Variants in DNA2 observed in about 807,000 individuals in gnomAD.
DNA2 encodes DNA replication helicase/nuclease 2, also known as DNA replication ATP-dependent helicase/nuclease DNA2.
In DNA2, 101 loss-of-function variants were observed where a neutral mutation model predicts 119.1. The ratio of observed to expected loss-of-function variants is 0.85; its 90% confidence interval spans 0.72 to 1.00. The LOEUF (loss-of-function observed/expected upper bound fraction) is 1.00, where lower values mean the gene tolerates loss of function less well. Ranked by LOEUF, DNA2 falls within the 50% of genes least tolerant of loss-of-function variation. DNA2 has a pLI of 0.00. For synonymous variants in DNA2, 366 were observed against 424.4 expected, an observed-to-expected ratio of 0.86 and a Z score of 1.69; for missense variants, 1,121 against 1,255.5, an observed-to-expected ratio of 0.89 and a Z score of 1.62.
chr10:68,418,731 G>A (rs889539636), intron 19 of DNA2, among the ~76,000 whole-genome samples: 15 of 144,982 alleles, frequency 1.0e-4, no homozygotes, highest in African/African-American at 3.9e-4. Context: ...TGGAGTCAAT[G>A]GTACGATCTC....
chr10:68,424,448 G>A lies in DNA2; in HGVS notation c.2209-1558C>T, dbSNP rs140248073. The A allele has an allele frequency of 3.2e-3, 1,742 of 537,766 alleles. 34 individuals carry two copies. Among genetic ancestry groups the A allele is most frequent in the African/African-American group, 0.03 (1,569 of 51,832 alleles). 33.3% of individuals were successfully genotyped at this position (537,766 alleles called of 1,614,324 possible). On this transcript the variant is annotated intron_variant, in intron 14 of 20. Transcript: ENST00000358410. The stretch of plus-strand genomic sequence containing the variant: ...GAGCCAAGGAGGTCGAGGCTGCAGT[G>A]AGCCTTGATCATGCCACTGAACTCC...
rs1564881559 is a variant in DNA2 at position 68,430,677 on chromosome 10, GA to G, written c.1984-18del. The G allele has an allele frequency of 1.4e-6, 2 of 1,475,302 alleles. No individual in the cohort carries two copies. Among genetic ancestry groups the G allele is most frequent in the Non-Finnish European group, 1.8e-6 (2 of 1,099,782 alleles). The allele number at this position is 1,475,302 out of a possible 1,614,324, so 91.4% of individuals were successfully genotyped here. Reference sequence around the variant, plus strand: ...AATTCTTACCTAATAATGGGTAAGAGAAAAAAGAAAAAACAGCCTTACTTTT... The same window carrying G: ...AATTCTTACCTAATAATGGGTAAGAGAAAAAGAAAAAACAGCCTTACTTTT... On this transcript the variant is annotated intron_variant, in intron 13 of 20. Coordinates refer to ENST00000358410, the MANE Select transcript of DNA2 (RefSeq NM_001080449.3).
At chr10:68,438,258 G>A (rs577694315) in intron 9 of DNA2, among the ~76,000 whole-genome samples, 3 of 152,232 alleles carry the variant, frequency 2.0e-5, no homozygotes, top group African/African-American at 4.8e-5. Context: ...GGTGGCTCAC[G>A]CCTGTAACCC....
chr10:68,417,391 CAAAAAAAAAA>C (rs35777569), intron 19 of DNA2, among the ~76,000 whole-genome samples: 1 of 77,504 alleles, frequency 1.3e-5, no homozygotes, highest in African/African-American at 5.4e-5. Context: ...ATAAGAAAAC[CAAAAAAAAAA>C]AAAAAAAAAA....
chr10:68,465,163 C>T (rs2052312421), intron 4 of DNA2, among the ~76,000 whole-genome samples: 1 of 151,922 alleles, frequency 6.6e-6, no homozygotes, highest in Non-Finnish European at 1.5e-5. Context: ...GGACTACAGG[C>T]GCCTGCCACC....
At chr10:68,419,765 C>T (rs1337235318) in intron 18 of DNA2, 38 bp downstream of exon 18, 53 of 1,436,842 alleles carry the variant, frequency 3.7e-5, no homozygotes, top group Non-Finnish European at 5.2e-5. Context: ...TTTTATTCTG[C>T]ACTTTAATAT....
chr10:68,449,934 A>C, intron 6 of DNA2, 94 bp downstream of exon 6: 1 of 899,854 alleles, frequency 1.1e-6, no homozygotes, highest in South Asian at 1.8e-5. Flanking sequence ...AGACCACGCC[A>C]CTGCTCTCCA....
chr10:68,415,085 T>G lies in DNA2; in HGVS notation c.3137A>C (p.Glu1046Ala). 1 of 1,574,970 alleles carries G rather than the reference T, an allele frequency of 6.3e-7. No homozygotes were observed. The highest frequency in any genetic ancestry group is 8.6e-7 in the Non-Finnish European group (1 of 1,157,344). ...EKLIIDLPSREHESLCHILGD... is the reference protein window; with the variant it reads ...EKLIIDLPSRAHESLCHILGD... Reference sequence around the variant, plus strand: ...CAATATGTGGCAAAGACTTTCATGTTCTCTTGATGGAAGATCAATGATGTA... The same window carrying G: ...CAATATGTGGCAAAGACTTTCATGTGCTCTTGATGGAAGATCAATGATGTA... The change falls in exon 21 of 21, where the codon GAA becomes GCA. Residue 1046 changes from glutamate (E) to alanine (A), a missense_variant. Physicochemically the swap from Glu to Ala is moderately radical, Grantham distance 107. Transcript: ENST00000358410.
intron 5 of DNA2, among the ~76,000 whole-genome samples, chr10:68,456,944 C>A (rs1037808705): frequency 6.6e-5 from 10 of 151,564 alleles, no homozygotes; most frequent in African/African-American, 1.2e-4. Context: ...ACCATCCTGG[C>A]TAACACGGTG....
At chr10:68,424,833 A>T in intron 14 of DNA2, 1 of 884,600 alleles carries the variant, frequency 1.1e-6, no homozygotes, top group Non-Finnish European at 1.9e-6. Context: ...GTAGGCCAAC[A>T]GCACAACCGT....
intron 2 of DNA2, among the ~76,000 whole-genome samples, chr10:68,468,862 C>T (rs1291324739): frequency 1.3e-5 from 2 of 151,792 alleles, no homozygotes; most frequent in Non-Finnish European, 2.9e-5. Context: ...CCAGCCTGGG[C>T]AACATGGTGA....
At position 68,470,158 on chromosome 10, in the gene DNA2, T is replaced by G; in HGVS notation, c.80A>C (p.Gln27Pro). Residue 27 changes from glutamine to proline, a missense_variant, in exon 2 of 21, where the codon CAG becomes CCG. Physicochemically the swap from Gln to Pro is moderately conservative, Grantham distance 76. Coordinates refer to ENST00000358410, the MANE Select transcript of DNA2 (RefSeq NM_001080449.3). ...EEAELPAELFQKKVVASFPRT... is the reference protein window; with the variant it reads ...EEAELPAELFPKKVVASFPRT... ...TGGAAAGGAAGCTACCACTTTCTTC[T>G]GAAATCTAAAGCACACACATACAAA... 6.3e-7 allele frequency: 1 copy of G among 1,591,240 alleles called. No homozygotes were observed. The highest frequency in any genetic ancestry group is 8.5e-7 in the Non-Finnish European group (1 of 1,174,502).
chr10:68,471,983 CGCA>C (rs1564901203), upstream of DNA2: 2 of 1,611,528 alleles, frequency 1.2e-6, no homozygotes, highest in South Asian at 2.2e-5. Flanking sequence ...TGCGCCAACC[CGCA>C]GATGTCCCAA....
chr10:68,435,304 C>A (rs1316386021), intron 10 of DNA2, among the ~76,000 whole-genome samples: 2 of 151,976 alleles, frequency 1.3e-5, no homozygotes, highest in African/African-American at 4.8e-5. Flanking sequence ...CCACCTCAGC[C>A]TCCCAGTGTG....
intron 4 of DNA2, among the ~76,000 whole-genome samples, chr10:68,463,770 A>G (rs768862185): frequency 1.3e-5 from 2 of 152,160 alleles, no homozygotes; most frequent in Non-Finnish European, 2.9e-5. Flanking sequence ...GATAATACAC[A>G]TTTACCATAT....
At position 68,468,373 on chromosome 10, in the gene DNA2, A is replaced by G. The variant is rs899956785; in HGVS notation, c.258-67T>C. ...GTTCCTACATGTAAACGTATTAGGG[A>G]GGCTTCAAAAAAATAAATGAGTATT... On this transcript the variant is annotated intron_variant, in intron 2 of 20. Coordinates refer to ENST00000358410, the MANE Select transcript of DNA2 (RefSeq NM_001080449.3). 15 of 1,064,426 alleles carry G rather than the reference A, an allele frequency of 1.4e-5. No homozygotes were observed. In the African/African-American group the frequency reaches 2.4e-4, roughly 17 times the overall value. The allele number at this position is 1,064,426 out of a possible 1,614,324, so 65.9% of individuals were successfully genotyped here.
At chr10:68,458,171 T>G (rs1338869638) in intron 5 of DNA2, among the ~76,000 whole-genome samples, 1 of 149,080 alleles carries the variant, frequency 6.7e-6, no homozygotes, top group Non-Finnish European at 1.5e-5. Flanking sequence ...AGACTCCGTC[T>G]CAAAAAAAAA....
chr10:68,417,391 CAAAAA>C (rs35777569), intron 19 of DNA2, among the ~76,000 whole-genome samples: 12 of 77,502 alleles, frequency 1.5e-4, no homozygotes, highest in Admixed American at 1.0e-3. Context: ...ATAAGAAAAC[CAAAAA>C]AAAAAAAAAA....
At chr10:68,440,196 T>G (rs2051949416) in intron 9 of DNA2, among the ~76,000 whole-genome samples, 1 of 150,042 alleles carries the variant, frequency 6.7e-6, no homozygotes, top group Non-Finnish European at 1.5e-5. Context: ...CCCAGCTTCT[T>G]GGGAGGCTGA....
Sources: allele counts gnomAD v4.1 joint callset (sites outside exome capture counted in the v4.1 genomes callset), GRCh38; gene constraint gnomAD v4.1.1; transcripts MANE v1.5; gene names NCBI Gene and HGNC (gene_info 2026-07-23, HGNC 2026-07-21).